ECD: variants seen among roughly 807,000 people sequenced by gnomAD.
ECD encodes protein ecdysoneless homolog.
ECD carries 59 observed loss-of-function variants against 77.2 expected under a neutral mutation model. The ratio of observed to expected loss-of-function variants is 0.76; its 90% confidence interval spans 0.62 to 0.95. The LOEUF is 0.95. Ranked by LOEUF, ECD falls within the 40% of genes least tolerant of loss-of-function variation. The probability of loss-of-function intolerance (pLI) is 0.00; values close to 1 mark genes in which losing one functional copy is unlikely to be tolerated. For synonymous variants in ECD, 233 were observed against 267.4 expected, an observed-to-expected ratio of 0.87 and a Z score of 1.26; for missense variants, 704 against 763.4, an observed-to-expected ratio of 0.92 and a Z score of 0.92.
Position 73,134,828 on chromosome 10 carries a change from G to A in ECD, c.1705-15C>T. ...GATACAGGTTCCTTATTCATAGAGG[G>A]AAAAGAAAATTATGGGCTAATGTAT... On this transcript the variant is annotated splice_polypyrimidine_tract_variant and intron_variant, in intron 13 of 13. Transcript: ENST00000372979. 6.2e-7 allele frequency: 1 copy of A among 1,608,176 alleles called. No homozygotes were observed. Among genetic ancestry groups the A allele is most frequent in the South Asian group, 1.1e-5 (1 of 90,880 alleles).
intron 9 of ECD, among the ~76,000 whole-genome samples, chr10:73,145,231 G>A (rs1457072433): frequency 1.3e-5 from 2 of 152,076 alleles, no homozygotes; most frequent in Non-Finnish European, 2.9e-5. Context: ...AGACCTGGTG[G>A]TGCATGCCTA....
intron 1 of ECD, among the ~76,000 whole-genome samples, chr10:73,164,971 G>A (rs1305740860): frequency 1.3e-5 from 2 of 152,172 alleles, no homozygotes; most frequent in African/African-American, 2.4e-5. Flanking sequence ...GCAGTGGTAT[G>A]TGTAATATAT....
In ECD at chr10:73,146,229, C is replaced by T. The variant is rs201473367; in HGVS notation, c.1127+47G>A. On this transcript the variant is annotated intron_variant, in intron 9 of 13. Coordinates refer to ENST00000372979, the MANE Select transcript of ECD (RefSeq NM_007265.3). Reference sequence around the variant, plus strand: ...AATAATAAATAAAAAATAAAAAGAACTACCTAAATACCAATCTTTGTAGTA... The same window carrying T: ...AATAATAAATAAAAAATAAAAAGAATTACCTAAATACCAATCTTTGTAGTA... 3.3e-6 allele frequency: 3 copies of T among 906,162 alleles called. No homozygotes were observed. In the Admixed American group the frequency reaches 9.0e-5, roughly 27 times the overall value. 56.1% of individuals were successfully genotyped at this position (906,162 alleles called of 1,614,324 possible).
chr10:73,157,306 T>G (rs1843309181), intron 3 of ECD, among the ~76,000 whole-genome samples: 1 of 151,576 alleles, frequency 6.6e-6, no homozygotes, highest in Non-Finnish European at 1.5e-5. Context: ...CACCTCAGCC[T>G]CCCAAAGTGC....
intron 6 of ECD, among the ~76,000 whole-genome samples, chr10:73,153,702 G>A (rs1008731416): frequency 1.0e-3 from 144 of 144,028 alleles, no homozygotes; most frequent in African/African-American, 3.7e-3. Flanking sequence ...CTCCAGCCTG[G>A]GTGAGAGAGT....
At chr10:73,160,358 T>C in intron 3 of ECD, 76 bp downstream of exon 3, 1 of 994,960 alleles carries the variant, frequency 1.0e-6, no homozygotes, top group Non-Finnish European at 1.5e-6. Flanking sequence ...AAAAATAAAT[T>C]ACTAAATAGA....
Position 73,134,755 on chromosome 10 carries a change from T to A in ECD, c.1763A>T (p.Glu588Val). The A allele has an allele frequency of 1.2e-6, 2 of 1,614,096 alleles. No individual in the cohort carries two copies. The highest frequency in any genetic ancestry group is 1.7e-6 in the Non-Finnish European group (2 of 1,180,012). Residue 588 changes from glutamate (E) to valine (V), a missense_variant, in exon 14 of 14, where the codon GAA becomes GTA. By Grantham distance (121) the Glu-to-Val change is moderately radical. This residue lies in a region of ECD where 142 missense variants were observed against 163.6 expected (regional missense o/e 0.87). Transcript: ENST00000372979. ...NSDEEDSGTG[E>V]SVMAPVDVDL... Reference sequence around the variant, plus strand: ...TACATCTACTGGTGCCATAACAGATTCTCCCGTACCAGAATCTTCCTCATC... The same window carrying A: ...TACATCTACTGGTGCCATAACAGATACTCCCGTACCAGAATCTTCCTCATC...
intron 5 of ECD, 132 bp downstream of exon 5, chr10:73,156,143 T>C (rs1283413210): frequency 9.0e-6 from 6 of 666,510 alleles, no homozygotes; most frequent in Non-Finnish European, 1.4e-5. Context: ...AGGTGAAAGG[T>C]ATTTTATAGT....
At position 73,139,757 on chromosome 10, in the gene ECD, T is replaced by C; in HGVS notation, c.1128-20A>G. ...AGAGAACTATGAAAAATAAAAAACA[T>C]GAGTATTTCTTCATAAGAGAACATA... is the stretch of plus-strand genomic sequence containing the variant. On this transcript the variant is annotated intron_variant, in intron 9 of 13. Transcript: ENST00000372979. The C allele has an allele frequency of 6.7e-7, 1 of 1,491,024 alleles. No individual in the cohort carries two copies. The highest frequency in any genetic ancestry group is 9.2e-7 in the Non-Finnish European group (1 of 1,081,998). 92.4% of individuals were successfully genotyped at this position (1,491,024 alleles called of 1,614,324 possible).
chr10:73,165,022 T>A (rs1843433762), intron 1 of ECD, among the ~76,000 whole-genome samples: 1 of 152,240 alleles, frequency 6.6e-6, no homozygotes, highest in African/African-American at 2.4e-5. Context: ...TTACATACTA[T>A]CAAAAACCCC....
At chr10:73,159,581 C>T (rs1050009498) in intron 3 of ECD, among the ~76,000 whole-genome samples, 4 of 151,666 alleles carry the variant, frequency 2.6e-5, no homozygotes, top group African/African-American at 7.3e-5. Context: ...AAAAAGAAAA[C>T]CTAAAATAAG....
At chr10:73,146,620 T>C (rs1362713991) in intron 8 of ECD, among the ~76,000 whole-genome samples, 5 of 152,208 alleles carry the variant, frequency 3.3e-5, no homozygotes, top group Non-Finnish European at 7.3e-5. Flanking sequence ...TTTTCCACCA[T>C]TTTCTTTTAC....
chr10:73,139,690 G>A lies in ECD; in HGVS notation c.1175C>T (p.Thr392Ile). The change falls in exon 10 of 14, where the codon ACA becomes ATA. Residue 392 changes from threonine to isoleucine, a missense_variant. Physicochemically the swap from Thr to Ile is moderately conservative, Grantham distance 89 (BLOSUM62 -1). Around this residue, in one of 3 missense-constraint regions of ECD, gnomAD observed 559 missense variants for 583.7 expected, o/e 0.96. Coordinates refer to ENST00000372979, the MANE Select transcript of ECD (RefSeq NM_007265.3). ...PGEEILTLLQ[T>I]IPFDIEDLKK... ...AAGGTCTTCTATATCAAATGGTATT[G>A]TCTGTAATAAGGTTAAGATTTCTTC... The A allele has an allele frequency of 6.2e-7, 1 of 1,610,960 alleles. No individual in the cohort carries two copies. The highest frequency in any genetic ancestry group is 1.1e-5 in the South Asian group (1 of 90,350).
intron 6 of ECD, among the ~76,000 whole-genome samples, chr10:73,153,119 T>A (rs1037166275): frequency 6.6e-6 from 1 of 151,958 alleles, no homozygotes; most frequent in Non-Finnish European, 1.5e-5. Flanking sequence ...GGTTTCACCA[T>A]GCTGGCCAGG....
At chr10:73,136,253 A>G (rs1251136157) in intron 13 of ECD, among the ~76,000 whole-genome samples, 1 of 152,150 alleles carries the variant, frequency 6.6e-6, no homozygotes, top group Non-Finnish European at 1.5e-5. Flanking sequence ...AACTGTTAAA[A>G]CTGGAAAGTT....
At chr10:73,135,925 G>A (rs1842970011) in intron 13 of ECD, among the ~76,000 whole-genome samples, 1 of 152,088 alleles carries the variant, frequency 6.6e-6, no homozygotes, top group African/African-American at 2.4e-5. Flanking sequence ...TTCTGGAAGT[G>A]ACTATAGTTT....
intron 7 of ECD, among the ~76,000 whole-genome samples, chr10:73,150,322 T>G (rs920321473): frequency 6.6e-6 from 1 of 152,228 alleles, no homozygotes; most frequent in Non-Finnish European, 1.5e-5. Flanking sequence ...GCTAGCCATA[T>G]GTAGAAAGCT....
chr10:73,164,301 G>A (rs922506642), intron 1 of ECD, among the ~76,000 whole-genome samples: 10 of 150,680 alleles, frequency 6.6e-5, no homozygotes, highest in Admixed American at 6.6e-5. Flanking sequence ...GCAATGAGCC[G>A]AGATCATGCC....
intron 6 of ECD, among the ~76,000 whole-genome samples, chr10:73,154,051 C>A (rs1252614325): frequency 6.6e-6 from 1 of 152,128 alleles, no homozygotes; most frequent in Non-Finnish European, 1.5e-5. Context: ...ATCTGAAATA[C>A]TTCTAGTCCC....
Sources: gnomAD v4.1 joint callset for allele counts (sites outside exome capture counted in the v4.1 genomes callset) on GRCh38, gnomAD v4.1.1 for gene constraint, gnomAD v4.1.1 regional missense constraint, MANE v1.5 for transcripts, NCBI Gene and HGNC (gene_info 2026-07-23, HGNC 2026-07-21) for gene names.